The following SGCD variants were observed in gnomAD, a reference collection of about 807,000 sequenced individuals.
SGCD encodes the protein delta-sarcoglycan.
SGCD carries 18 observed loss-of-function variants against 36.6 expected under a neutral mutation model. The observed-to-expected ratio is 0.49, with a 90% CI of 0.34 to 0.73. The LOEUF (loss-of-function observed/expected upper bound fraction) is 0.73, where lower values mean the gene tolerates loss of function less well. Ranked by LOEUF, SGCD falls within the 30% of genes least tolerant of loss-of-function variation. The pLI is 0.01. For missense variants in SGCD, 387 were observed against 346.7 expected (o/e 1.12, Z -0.92); for synonymous variants, 133 against 130.6 (o/e 1.02, Z -0.12).
intron 7 of SGCD, among the ~76,000 whole-genome samples, chr5:156,707,771 C>G (rs1481739401): frequency 6.6e-6 from 1 of 151,946 alleles, no homozygotes; most frequent in African/African-American, 2.4e-5. Context: ...TCTTTTTTCC[C>G]AAATGAGAAT....
At chr5:156,112,338 C>T (rs1761806769) in intron 1 of SGCD, among the ~76,000 whole-genome samples, 1 of 152,144 alleles carries the variant, frequency 6.6e-6, no homozygotes, top group South Asian at 2.1e-4. Flanking sequence ...TTTAGCTTCA[C>T]ATTTGCCTGG....
chr5:155,909,560 A>G (rs1237926512), intron 1 of SGCD, among the ~76,000 whole-genome samples: 1 of 152,166 alleles, frequency 6.6e-6, no homozygotes, highest in Admixed American at 6.6e-5. Flanking sequence ...CATTTGAAAA[A>G]TAAGATTACA....
the SGCD span, among the ~76,000 whole-genome samples, chr5:155,801,744 C>G: frequency 6.6e-6 from 1 of 152,224 alleles, no homozygotes; most frequent in Non-Finnish European, 1.5e-5. Flanking sequence ...GTCACAGATT[C>G]TGTTACATAG....
intron 3 of SGCD, among the ~76,000 whole-genome samples, chr5:156,317,597 T>A (rs1767551925): frequency 6.6e-6 from 1 of 152,170 alleles, no homozygotes; most frequent in South Asian, 2.1e-4. Context: ...TCACATGATG[T>A]GTTGAAATGC....
the SGCD span, among the ~76,000 whole-genome samples, chr5:155,777,944 C>G: frequency 6.6e-5 from 10 of 152,138 alleles, no homozygotes; most frequent in Non-Finnish European, 1.5e-4. Flanking sequence ...CATTGTCTCT[C>G]ATGGTTTGTA....
At chr5:155,855,996 TG>T in the SGCD span, among the ~76,000 whole-genome samples, 1 of 152,170 alleles carries the variant, frequency 6.6e-6, no homozygotes, top group African/African-American at 2.4e-5. Context: ...TTCCCAAACT[TG>T]TACAGATGGA....
At chr5:156,502,414 T>C (rs1756499660) in intron 3 of SGCD, among the ~76,000 whole-genome samples, 1 of 152,070 alleles carries the variant, frequency 6.6e-6, no homozygotes, top group Non-Finnish European at 1.5e-5. Flanking sequence ...GATGTAATCA[T>C]AGCTCACAAT....
At chr5:155,785,537 C>T in the SGCD span, among the ~76,000 whole-genome samples, 1 of 152,108 alleles carries the variant, frequency 6.6e-6, no homozygotes, top group African/African-American at 2.4e-5. Context: ...TAAACTTGTA[C>T]CCACTGGCCA....
intron 1 of SGCD, among the ~76,000 whole-genome samples, chr5:155,888,277 A>G (rs1001768190): frequency 6.6e-6 from 1 of 152,192 alleles, no homozygotes; most frequent in African/African-American, 2.4e-5. Context: ...GTGGGTCACA[A>G]ACTTTCAATG....
chr5:155,863,187 C>T, the SGCD span, among the ~76,000 whole-genome samples: 19 of 152,290 alleles, frequency 1.2e-4, no homozygotes, highest in South Asian at 2.1e-3. Context: ...AGGGCATGGA[C>T]GCTCCATCCA....
At chr5:156,439,882 C>A (rs1022488852) in intron 3 of SGCD, among the ~76,000 whole-genome samples, 6 of 152,100 alleles carry the variant, frequency 3.9e-5, no homozygotes, top group Non-Finnish European at 7.4e-5. Context: ...TGGAAATCAG[C>A]AAGATTTCCC....
At chr5:156,021,870 A>G (rs529743793) in intron 1 of SGCD, among the ~76,000 whole-genome samples, 44 of 152,164 alleles carry the variant, frequency 2.9e-4, no homozygotes, top group Non-Finnish European at 5.7e-4. Flanking sequence ...TTAACATAAT[A>G]TCTTTATTCA....
intron 1 of SGCD, among the ~76,000 whole-genome samples, chr5:156,003,931 C>T (rs1758710676): frequency 6.6e-6 from 1 of 152,124 alleles, no homozygotes; most frequent in African/African-American, 2.4e-5. Flanking sequence ...ATCAGGGCTC[C>T]ATTAGTCACT....
At chr5:155,931,038 A>T (rs1285894903) in intron 1 of SGCD, among the ~76,000 whole-genome samples, 1 of 152,126 alleles carries the variant, frequency 6.6e-6, no homozygotes, top group Non-Finnish European at 1.5e-5. Context: ...AATGGTTAGG[A>T]TAGCTTAACA....
At chr5:155,743,882 T>C in the SGCD span, among the ~76,000 whole-genome samples, 384 of 152,322 alleles carry the variant, frequency 2.5e-3, 3 homozygotes, top group African/African-American at 7.8e-3. Flanking sequence ...AGCCAGAAAG[T>C]AAGAAATCTG....
intron 1 of SGCD, among the ~76,000 whole-genome samples, chr5:155,979,732 G>C (rs2127561787): frequency 6.6e-6 from 1 of 152,296 alleles, no homozygotes; most frequent in African/African-American, 2.4e-5. Context: ...GCTGAGGGCT[G>C]TCTGCTGGAA....
At chr5:155,984,443 G>C (rs1338047168) in intron 1 of SGCD, among the ~76,000 whole-genome samples, 1 of 152,200 alleles carries the variant, frequency 6.6e-6, no homozygotes, top group African/African-American at 2.4e-5. Flanking sequence ...AACAGCTTGA[G>C]TATCATTTCA....
At chr5:156,302,920 A>G (rs1721534314) in intron 3 of SGCD, among the ~76,000 whole-genome samples, 1 of 152,182 alleles carries the variant, frequency 6.6e-6, no homozygotes, top group African/African-American at 2.4e-5. Flanking sequence ...GTCAGACCCA[A>G]AGTCAGCATA....
At chr5:155,945,289 A>G (rs1488070008) in intron 1 of SGCD, among the ~76,000 whole-genome samples, 4 of 152,234 alleles carry the variant, frequency 2.6e-5, no homozygotes, top group Non-Finnish European at 4.4e-5. Context: ...GGGAGAAGAC[A>G]AAGGACAAGA....
Sources: allele counts gnomAD v4.1 joint callset (sites outside exome capture counted in the v4.1 genomes callset), GRCh38; gene constraint gnomAD v4.1.1; transcripts MANE v1.5; gene names NCBI Gene and HGNC (gene_info 2026-07-23, HGNC 2026-07-21).